The following SLC11A1 variants were observed in gnomAD, a reference collection of about 807,000 sequenced individuals.
SLC11A1 encodes the protein natural resistance-associated macrophage protein 1.
In SLC11A1, 59 loss-of-function variants were observed where a neutral mutation model predicts 63.2. The ratio of observed to expected loss-of-function variants is 0.93; its 90% CI spans 0.76 to 1.16. SLC11A1 has a LOEUF of 1.16. SLC11A1 is among the 50% of genes most tolerant of loss of function. The pLI, the probability that SLC11A1 is intolerant of heterozygous loss-of-function variation, is 0.00. For synonymous variants in SLC11A1, 305 were observed against 307.8 expected, an observed-to-expected ratio of 0.99 and a Z score of 0.09; for missense variants, 688 against 730.7, an observed-to-expected ratio of 0.94 and a Z score of 0.67.
In SLC11A1 at chr2:218,382,396, A is replaced by G; in HGVS notation, c.7+21A>G. 1.9e-6 allele frequency: 3 copies of G among 1,613,176 alleles called. No homozygotes were observed. In the South Asian group the frequency reaches 3.3e-5, roughly 18 times the overall value. On this transcript the variant is annotated intron_variant, in intron 1 of 14. Transcript: ENST00000233202. ...GACAGGTGAGTAGTGGCCCCTAGGGACAGAGCCTGATTGGGGGGTGGAGTG... is the reference window on the plus strand; with the variant it reads ...GACAGGTGAGTAGTGGCCCCTAGGGGCAGAGCCTGATTGGGGGGTGGAGTG...
At position 218,386,725 on chromosome 2, in the gene SLC11A1, C is replaced by A. The variant is rs1437759230; in HGVS notation, c.484C>A (p.Leu162Met). 3 of 1,613,736 alleles carry A rather than the reference C, an allele frequency of 1.9e-6. No homozygotes were observed. In the South Asian group the frequency reaches 3.3e-5, roughly 18 times the overall value. The change falls in exon 5 of 15, where the codon CTG (leucine) becomes ATG (methionine). Residue 162 changes from leucine (L) to methionine (M), a missense_variant. Transcript: ENST00000233202. ...CATCGGCACGGCCATTGCATTCAAT[C>A]TGCTCTCAGCTGGACGGTACCACCC... ...EVIGTAIAFN[L>M]LSAGRIPLWG... is the part of the protein sequence containing the mutation.
chr2:218,391,427 A>G lies in SLC11A1; in HGVS notation c.1096A>G (p.Ile366Val). The G allele has an allele frequency of 6.2e-7, 1 of 1,613,902 alleles. No individual in the cohort carries two copies. The highest frequency in any genetic ancestry group is 8.5e-7 in the Non-Finnish European group (1 of 1,179,938). Residue 366 changes from isoleucine to valine, a missense_variant, in exon 11 of 15, where the codon ATA becomes GTA. Coordinates refer to ENST00000233202, the MANE Select transcript of SLC11A1 (RefSeq NM_000578.4). ...FGPAALYIWA[I>V]GLLAAGQSST... is the part of the protein sequence containing the mutation. The stretch of plus-strand genomic sequence containing the variant: ...CCCCGCGGCCCTCTACATCTGGGCC[A>G]TAGGTCTCCTGGCGGCTGGGCAGAG...
At position 218,394,997 on chromosome 2, in the gene SLC11A1, C is replaced by A; in HGVS notation, c.1615C>A (p.Leu539Ile). 1.2e-6 allele frequency: 2 copies of A among 1,612,164 alleles called. No individual in the cohort carries two copies. The highest frequency in any genetic ancestry group is 1.1e-5 in the South Asian group (1 of 90,674). The change falls in exon 15 of 15, where the codon CTC (leucine) becomes ATC (isoleucine). Residue 539 changes from leucine (L) to isoleucine (I), a missense_variant. Leu to Ile is a conservative substitution (Grantham distance 5). Transcript: ENST00000233202. ...HSSHHHFLYG[L>I]LEEDQKGETS... The stretch of plus-strand genomic sequence containing the variant: ...CTCCCACCACCACTTCCTGTATGGG[C>A]TCCTTGAAGAGGACCAGAAAGGGGA...
chr2:218,386,509 A>G, intron 4 of SLC11A1, 126 bp from the exon 5 acceptor site: 1 of 654,672 alleles, frequency 1.5e-6, no homozygotes, highest in East Asian at 2.7e-5. Flanking sequence ...CTCTTCCTAC[A>G]TAAGGTAGGA....
At position 218,385,238 on chromosome 2, in the gene SLC11A1, G is replaced by T; in HGVS notation, c.365G>T (p.Gly122Val). The T allele has an allele frequency of 6.2e-7, 1 of 1,614,040 alleles. No homozygotes were observed. Reference protein sequence around the residue: ...RLGVVTGKDLGEVCHLYYPKV... With the variant: ...RLGVVTGKDLVEVCHLYYPKV... ...GGCGTGGTGACAGGCAAGGACTTGG[G>T]CGAGGTCTGCCATCTCTACTACCCT... The change falls in exon 4 of 15, where the codon GGC (glycine) becomes GTC (valine). Residue 122 changes from glycine (G) to valine (V), a missense_variant. Gly to Val is a moderately radical substitution (Grantham distance 109). Transcript: ENST00000233202.
In SLC11A1 at chr2:218,394,200, A is replaced by C; in HGVS notation, c.1388+7A>C. 6.2e-7 allele frequency: 1 copy of C among 1,613,476 alleles called. No homozygotes were observed. Among genetic ancestry groups the C allele is most frequent in the South Asian group, 1.1e-5 (1 of 91,062 alleles). The stretch of plus-strand genomic sequence containing the variant: ...AGGAGTTTGCCAATGGCCTGTGAGT[A>C]CCCCCTTTCCCAAGTGCTGGATTGC... On this transcript the variant is annotated splice_region_variant and intron_variant, in intron 13 of 14. Coordinates refer to ENST00000233202, the MANE Select transcript of SLC11A1 (RefSeq NM_000578.4).
chr2:218,393,166 C>G, intron 12 of SLC11A1, 36 bp downstream of exon 12: 13 of 1,498,432 alleles, frequency 8.7e-6, no homozygotes, highest in Non-Finnish European at 1.2e-5. Context: ...CTGCCCACTG[C>G]TGAGCGAAAC....
At chr2:218,382,887 A>G (rs2106327086) in intron 1 of SLC11A1, 73 bp from the exon 2 acceptor site, 5 of 1,589,362 alleles carry the variant, frequency 3.1e-6, no homozygotes, top group Non-Finnish European at 4.3e-6. Flanking sequence ...GAGGAGGGAA[A>G]GGATCAGGCG....
chr2:218,385,466 C>G (rs1696044330), intron 4 of SLC11A1, 200 bp downstream of exon 4: 1 of 652,348 alleles, frequency 1.5e-6, no homozygotes, highest in Non-Finnish European at 2.7e-6. Context: ...TGTCAGCTCA[C>G]TGCAACCTCT....
chr2:218,388,330 T>G, intron 8 of SLC11A1: 1 of 185,810 alleles, frequency 5.4e-6, no homozygotes, highest in Non-Finnish European at 1.1e-5. Flanking sequence ...ATCTTGCCAC[T>G]GCACCACTCC....
rs1048223820 is a variant in SLC11A1 at position 218,384,885 on chromosome 2, C to T, written c.274-262C>T. 1 of 400,302 alleles carries T rather than the reference C, an allele frequency of 2.5e-6. No individual in the cohort carries two copies. Among genetic ancestry groups the T allele is most frequent in the Non-Finnish European group, 4.7e-6 (1 of 213,226 alleles). The allele number at this position is 400,302 out of a possible 1,614,324, so 24.8% of individuals were successfully genotyped here. Reference sequence around the variant, plus strand: ...AACAGGTGTGAGCCACCTTGCCTGGCGTAATTTATTTATTTATTTAGAGAT... The same window carrying T: ...AACAGGTGTGAGCCACCTTGCCTGGTGTAATTTATTTATTTATTTAGAGAT... On this transcript the variant is annotated intron_variant, in intron 3 of 14. Transcript: ENST00000233202. This position sits in a 1 kb window ranked among gnomAD's most constrained non-coding sequence, Gnocchi z 4.0.
rs1357460518 is a variant in SLC11A1 at position 218,384,064 on chromosome 2, A to G, written c.151-179A>G. ...AAGATCCTCTGTGACTCATCAGAGC[A>G]TGCTGCTTCCTCCACCCATGCCCTC... is the stretch of plus-strand genomic sequence containing the variant. On this transcript the variant is annotated intron_variant, in intron 2 of 14. Coordinates refer to ENST00000233202, the MANE Select transcript of SLC11A1 (RefSeq NM_000578.4). The surrounding 1 kb of genome is among the most constrained non-coding windows in gnomAD (Gnocchi z 4.0). The G allele has an allele frequency of 5.7e-6, 3 of 526,472 alleles. No individual in the cohort carries two copies. Among genetic ancestry groups the G allele is most frequent in the Non-Finnish European group, 9.8e-6 (3 of 307,402 alleles). 32.6% of individuals were successfully genotyped at this position (526,472 alleles called of 1,614,324 possible).
rs1252413702 is a variant in SLC11A1, at chr2:218,387,862, G to A, written c.702G>A (p.Pro234=). Reference sequence around the variant, plus strand: ...GGGGCCTGTTCCTGCCCTCGTGCCCGGGCTGCGGCCACCCCGAGCTGCTGC... The same window carrying A: ...GGGGCCTGTTCCTGCCCTCGTGCCCAGGCTGCGGCCACCCCGAGCTGCTGC... ...LLRGLFLPSC[P]GCGHPELLQA... The change falls in exon 8 of 15, where the codon CCG becomes CCA. Residue 234 remains proline (P), a synonymous_variant. Transcript: ENST00000233202. 6.2e-7 allele frequency: 1 copy of A among 1,601,774 alleles called. No individual in the cohort carries two copies. Among genetic ancestry groups the A allele is most frequent in the Non-Finnish European group, 8.5e-7 (1 of 1,174,512 alleles).
At chr2:218,387,690 C>T (rs17221945) in intron 7 of SLC11A1, 58 bp downstream of exon 7, 1 of 1,612,380 alleles carries the variant, frequency 6.2e-7, no homozygotes. Flanking sequence ...CCTCTCCCTT[C>T]CCTCTGGCCG....
At chr2:218,386,560 G>A (rs888143830) in intron 4 of SLC11A1, 75 bp from the exon 5 acceptor site, 54 of 1,012,074 alleles carry the variant, frequency 5.3e-5, no homozygotes, top group African/African-American at 7.9e-5. Flanking sequence ...AGTCTGAGAC[G>A]ACAGACAAAT....
rs770212453 is a variant in SLC11A1 at position 218,394,129 on chromosome 2, G to A, written c.1324G>A (p.Ala442Thr). The A allele has an allele frequency of 2.4e-5, 39 of 1,614,038 alleles. 1 individual carries two copies. The highest frequency in any genetic ancestry group is 1.8e-4 in the South Asian group (16 of 91,076). ...NVLQSLLLPF[A>T]VLPILTFTSM... ...CTGCTGCTCTCCCCAGCTCCCGTTC[G>A]CCGTGCTGCCCATCCTCACGTTCAC... Residue 442 changes from alanine (A) to threonine (T), a missense_variant, in exon 13 of 15, where the codon GCC becomes ACC. By Grantham distance (58) the Ala-to-Thr change is moderately conservative (BLOSUM62 0). Coordinates refer to ENST00000233202, the MANE Select transcript of SLC11A1 (RefSeq NM_000578.4).
intron 2 of SLC11A1, chr2:218,383,670 G>C (rs1463767643): frequency 6.5e-6 from 1 of 152,726 alleles, no homozygotes; most frequent in Non-Finnish European, 1.5e-5. Flanking sequence ...ACTAGAGACA[G>C]GGTTTCACCA....
chr2:218,395,312 A>AAAG lies in SLC11A1; in HGVS notation c.*278_*279insAGA. The AAAG allele has an allele frequency of 2.3e-6, 1 of 428,914 alleles. No individual in the cohort carries two copies. Among genetic ancestry groups the AAAG allele is most frequent in the South Asian group, 3.3e-5 (1 of 30,562 alleles). The allele number at this position is 428,914 out of a possible 1,614,324, so 26.6% of individuals were successfully genotyped here. A position where few individuals can be genotyped will look rare whatever the true frequency, so the allele number is the denominator to read the frequency against. ...TTGGGACAAAAACAAACAAACGAAA[A>AAAG]ACATTTCAAAAGGTATTTATTGAGC... On this transcript the variant is annotated 3_prime_UTR_variant, in exon 15 of 15. Coordinates refer to ENST00000233202, the MANE Select transcript of SLC11A1 (RefSeq NM_000578.4).
rs1696775530 is a variant in SLC11A1, at chr2:218,396,468, G to C, written c.*1433G>C. The stretch of plus-strand genomic sequence containing the variant: ...GGGTGTTGCACCTGGAAGAACCCCC[G>C]ATTTCCTGGGGACCCAGCAGGGCAG... On this transcript the variant is annotated 3_prime_UTR_variant, in exon 15 of 15. Coordinates refer to ENST00000233202, the MANE Select transcript of SLC11A1 (RefSeq NM_000578.4). The C allele has an allele frequency of 6.6e-6, 1 of 152,418 alleles. No individual in the cohort carries two copies. 9.4% of individuals were successfully genotyped at this position (152,418 alleles called of 1,614,324 possible).
Sources: allele counts gnomAD v4.1 joint callset, GRCh38; gene constraint gnomAD v4.1.1; non-coding constraint Gnocchi (gnomAD v3.1); transcripts MANE v1.5; gene names NCBI Gene and HGNC (gene_info 2026-07-23, HGNC 2026-07-21).